ZNF845: variants seen among roughly 807,000 people sequenced by gnomAD.
ZNF845 encodes zinc finger protein 845.
In ZNF845, 59 loss-of-function variants were observed where a neutral mutation model predicts 76.1. That is an observed-to-expected ratio of 0.78 (90% CI 0.63 to 0.96). The LOEUF (loss-of-function observed/expected upper bound fraction) is 0.96, where lower values mean the gene tolerates loss of function less well. ZNF845 is among the 40% of genes least tolerant of loss of function. ZNF845 has a pLI of 0.00. For missense variants in ZNF845, 1,045 were observed against 1,172.8 expected (o/e 0.89, Z 1.59); for synonymous variants, 361 against 386.9 (o/e 0.93, Z 0.78).
In ZNF845 at chr19:53,353,072, A is replaced by T. The variant is rs1311891031; in HGVS notation, c.2397A>T (p.Gly799=). ...HLAQHTRIHT[G]EKPYKCNECG... is the part of the protein sequence containing the mutation. ...CACAACATACTAGAATTCACACTGG[A>T]GAGAAACCTTACAAGTGTAATGAAT... Residue 799 remains glycine, a synonymous_variant, in exon 4 of 4, where the codon GGA becomes GGT. Coordinates refer to ENST00000458035, the MANE Select transcript of ZNF845 (RefSeq NM_138374.3). 6 of 1,599,568 alleles carry T rather than the reference A, an allele frequency of 3.8e-6. No homozygotes were observed. The highest frequency in any genetic ancestry group is 5.1e-6 in the Non-Finnish European group (6 of 1,167,540).
chr19:53,350,891 G>A lies in ZNF845; in HGVS notation c.216G>A (p.Gly72=). ...GCAATACAGAAGTGATCCACACAGGGACATTGCAAAGACATGAACGTCATC... is the reference window on the plus strand; with the variant it reads ...GCAATACAGAAGTGATCCACACAGGAACATTGCAAAGACATGAACGTCATC... The part of the protein sequence containing the change: ...AQGNTEVIHT[G]TLQRHERHHI... Residue 72 remains glycine, a synonymous_variant, in exon 4 of 4, where the codon GGG becomes GGA. Coordinates refer to ENST00000458035, the MANE Select transcript of ZNF845 (RefSeq NM_138374.3). The A allele has an allele frequency of 6.2e-7, 1 of 1,614,156 alleles. No individual in the cohort carries two copies. Among genetic ancestry groups the A allele is most frequent in the Non-Finnish European group, 8.5e-7 (1 of 1,180,032 alleles).
At chr19:53,339,683 T>C (rs1275348458) in intron 1 of ZNF845, among the ~76,000 whole-genome samples, 1 of 152,124 alleles carries the variant, frequency 6.6e-6, no homozygotes. Flanking sequence ...TTCTGCAGAG[T>C]TGAGGTCAAC....
At position 53,352,868 on chromosome 19, in the gene ZNF845, G is replaced by T; in HGVS notation, c.2193G>T (p.Lys731Asn). The stretch of plus-strand genomic sequence containing the variant: ...AGTGTGGCAAGGCCTTCAGTCAGAA[G>T]TCATCCCTTACATGCCATCTTAGAC... Reference protein sequence around the residue: ...CNECGKAFSQKSSLTCHLRLH... With the variant: ...CNECGKAFSQNSSLTCHLRLH... Residue 731 changes from lysine to asparagine, a missense_variant, in exon 4 of 4, where the codon AAG (lysine) becomes AAT (asparagine). Coordinates refer to ENST00000458035, the MANE Select transcript of ZNF845 (RefSeq NM_138374.3). 1 of 1,609,222 alleles carries T rather than the reference G, an allele frequency of 6.2e-7. No homozygotes were observed.
At chr19:53,343,760 T>C (rs569538504) in intron 2 of ZNF845, among the ~76,000 whole-genome samples, 9 of 152,212 alleles carry the variant, frequency 5.9e-5, no homozygotes, top group Non-Finnish European at 1.3e-4. Flanking sequence ...TAGGTTTTAT[T>C]ATTTTGTGGA....
intron 3 of ZNF845, among the ~76,000 whole-genome samples, chr19:53,346,796 C>T (rs912067424): frequency 7.9e-5 from 12 of 152,160 alleles, no homozygotes; most frequent in African/African-American, 2.7e-4. Context: ...ACAGTGTTTT[C>T]TCATGCTGTT....
rs1011885791 is a variant in ZNF845, at chr19:53,355,848, T to G, written c.*2260T>G. 1.3e-5 allele frequency: 2 copies of G among 152,312 alleles called. No individual in the cohort carries two copies. Among genetic ancestry groups the G allele is most frequent in the African/African-American group, 4.8e-5 (2 of 41,578 alleles). 9.4% of individuals were successfully genotyped at this position (152,312 alleles called of 1,614,324 possible). ...TATTGTTTAGGATTTTTACGAAGAA[T>G]GAATATTGAGTTCTGTGAAATGCTT... is the stretch of plus-strand genomic sequence containing the variant. On this transcript the variant is annotated 3_prime_UTR_variant, in exon 4 of 4. Transcript: ENST00000458035.
At position 53,339,098 on chromosome 19, in the gene ZNF845, CTAAA is replaced by C. The variant is rs1313346962; in HGVS notation, c.-73-2123_-73-2120del. ...ATGGTGACAGAGCAAGACTCCATCTCTAAATAAATAAATAAATGTGCTATAATGT... is the reference window on the plus strand; with the variant it reads ...ATGGTGACAGAGCAAGACTCCATCTCTAAATAAATAAATGTGCTATAATGT... On this transcript the variant is annotated intron_variant, in intron 1 of 3. Transcript: ENST00000458035. Among the ~76,000 whole-genome samples the C allele has an allele frequency of 3.9e-5, 6 of 151,976 alleles. No homozygotes were observed. The East Asian group carries it at 1.2e-3, about 29-fold the overall frequency.
In ZNF845 at chr19:53,356,141, C is replaced by T. The variant is rs1002044432; in HGVS notation, c.*2553C>T. On this transcript the variant is annotated 3_prime_UTR_variant, in exon 4 of 4. Coordinates refer to ENST00000458035, the MANE Select transcript of ZNF845 (RefSeq NM_138374.3). ...AACCAGTATAAACTTGTTATAACGT[C>T]TGAACAGGCTCTAGTTTGAGGCACT... The T allele has an allele frequency of 1.3e-5, 2 of 152,200 alleles. No homozygotes were observed. Among genetic ancestry groups the T allele is most frequent in the African/African-American group, 4.8e-5 (2 of 41,448 alleles). The allele number at this position is 152,200 out of a possible 1,614,324, so 9.4% of individuals were successfully genotyped here. A position where few individuals can be genotyped will look rare whatever the true frequency, so the allele number is the denominator to read the frequency against.
chr19:53,341,059 A>T lies in ZNF845; in HGVS notation c.-73-176A>T, dbSNP rs555111851. 77 of 639,706 alleles carry T rather than the reference A, an allele frequency of 1.2e-4. No homozygotes were observed. In the African/African-American group the frequency reaches 1.3e-3, roughly 11 times the overall value. 39.6% of individuals were successfully genotyped at this position (639,706 alleles called of 1,614,324 possible). A position where few individuals can be genotyped will look rare whatever the true frequency, so the allele number is the denominator to read the frequency against. ...CTCTGGTCCATATTGGCTGCTCTGC[A>T]TGCTTCTTTCTGTTTTTTCACCTTC... On this transcript the variant is annotated intron_variant, in intron 1 of 3. Coordinates refer to ENST00000458035, the MANE Select transcript of ZNF845 (RefSeq NM_138374.3).
intron 1 of ZNF845, chr19:53,340,773 CCT>C: frequency 3.1e-6 from 1 of 318,414 alleles, no homozygotes. Flanking sequence ...CCTCCCAGGT[CCT>C]CTCTGACCTC....
chr19:53,334,373 G>C (rs2085197899), intron 1 of ZNF845, among the ~76,000 whole-genome samples: 1 of 152,098 alleles, frequency 6.6e-6, no homozygotes. Flanking sequence ...TCAGGAGACT[G>C]AGAGAGAGAG....
Position 53,355,565 on chromosome 19 carries a change from G to C in ZNF845, c.*1977G>C, listed in dbSNP as rs990588704. The C allele has an allele frequency of 2.0e-5, 3 of 152,062 alleles. No individual in the cohort carries two copies. Among genetic ancestry groups the C allele is most frequent in the Non-Finnish European group, 4.4e-5 (3 of 68,018 alleles). 9.4% of individuals were successfully genotyped at this position (152,062 alleles called of 1,614,324 possible). Reference sequence around the variant, plus strand: ...CCACTTCGGACTTGCAAATTGCTGGGATTATGGGTGTGAGCCATGAGCCCG... The same window carrying C: ...CCACTTCGGACTTGCAAATTGCTGGCATTATGGGTGTGAGCCATGAGCCCG... On this transcript the variant is annotated 3_prime_UTR_variant, in exon 4 of 4. Transcript: ENST00000458035.
Position 53,351,685 on chromosome 19 carries a change from G to T in ZNF845, c.1010G>T (p.Ser337Ile), listed in dbSNP as rs749150652. The change falls in exon 4 of 4, where the codon AGT becomes ATT. Residue 337 changes from serine to isoleucine, a missense_variant. Physicochemically the swap from Ser to Ile is moderately radical, Grantham distance 142. Coordinates refer to ENST00000458035, the MANE Select transcript of ZNF845 (RefSeq NM_138374.3). Reference protein sequence around the residue: ...YKCNECGKTFSQTSYLVYHRR... With the variant: ...YKCNECGKTFIQTSYLVYHRR... ...TGTAATGAATGTGGCAAGACCTTCA[G>T]TCAAACGTCATACCTTGTGTACCAT... The T allele has an allele frequency of 1.2e-6, 2 of 1,614,098 alleles. No individual in the cohort carries two copies. The highest frequency in any genetic ancestry group is 1.7e-6 in the Non-Finnish European group (2 of 1,179,936).
In ZNF845 at chr19:53,351,212, A is replaced by G; in HGVS notation, c.537A>G (p.Arg179=). 1.2e-6 allele frequency: 2 copies of G among 1,614,208 alleles called. No homozygotes were observed. Among genetic ancestry groups the G allele is most frequent in the South Asian group, 2.2e-5 (2 of 91,082 alleles). The stretch of plus-strand genomic sequence containing the variant: ...CTTCGTTGGTTTCAACATCCCAAAG[A>G]ATTTCTTGTAGGCCTAAAACCCACA... ...NSASLVSTSQ[R]ISCRPKTHIS... is the part of the protein sequence containing the mutation. Residue 179 remains arginine, a synonymous_variant, in exon 4 of 4, where the codon AGA becomes AGG. Coordinates refer to ENST00000458035, the MANE Select transcript of ZNF845 (RefSeq NM_138374.3).
chr19:53,350,264 G>T (rs1378646960), intron 3 of ZNF845, among the ~76,000 whole-genome samples: 2 of 152,088 alleles, frequency 1.3e-5, no homozygotes, highest in African/African-American at 4.8e-5. Context: ...CTCCTGAGTA[G>T]CTGGGACTAC....
In ZNF845 at chr19:53,353,273, G is replaced by A. The variant is rs757357216; in HGVS notation, c.2598G>A (p.Lys866=). 1 of 1,613,546 alleles carries A rather than the reference G, an allele frequency of 6.2e-7. No homozygotes were observed. The highest frequency in any genetic ancestry group is 8.5e-7 in the Non-Finnish European group (1 of 1,179,784). The change falls in exon 4 of 4, where the codon AAG becomes AAA. Residue 866 remains lysine (K), a synonymous_variant. Transcript: ENST00000458035. The stretch of plus-strand genomic sequence containing the variant: ...CTTACAAGTGTAGTGAATGTGGCAA[G>A]GTTTTTAATAGAAAAGCAAACCTTT... ...EKPYKCSECG[K]VFNRKANLSR...
chr19:53,339,018 C>T (rs145215213), intron 1 of ZNF845, among the ~76,000 whole-genome samples: 4,593 of 151,968 alleles, frequency 0.03, 250 homozygotes, highest in African/African-American at 0.1. Flanking sequence ...GAGAATGGCT[C>T]GAACCTGGGA....
intron 3 of ZNF845, 108 bp from the exon 4 acceptor site, chr19:53,350,710 G>A: frequency 1.4e-6 from 2 of 1,406,606 alleles, no homozygotes; most frequent in Non-Finnish European, 1.9e-6. Flanking sequence ...TCAAGATAAT[G>A]TTTGGGAAGT....
At position 53,351,819 on chromosome 19, in the gene ZNF845, C is replaced by T. The variant is rs1016290190; in HGVS notation, c.1144C>T (p.Pro382Ser). The T allele has an allele frequency of 1.2e-6, 2 of 1,613,148 alleles. No homozygotes were observed. The highest frequency in any genetic ancestry group is 1.7e-6 in the Non-Finnish European group (2 of 1,179,900). ...RHRKIHTGEK[P>S]YKCNECSRTF... ...TAGGAAAATTCATACTGGAGAGAAA[C>T]CTTACAAGTGTAATGAATGCAGCAG... The change falls in exon 4 of 4, where the codon CCT becomes TCT. Residue 382 changes from proline (P) to serine (S), a missense_variant. Coordinates refer to ENST00000458035, the MANE Select transcript of ZNF845 (RefSeq NM_138374.3).
Sources: allele counts gnomAD v4.1 joint callset (sites outside exome capture counted in the v4.1 genomes callset), GRCh38; gene constraint gnomAD v4.1.1; transcripts MANE v1.5; gene names NCBI Gene and HGNC (gene_info 2026-07-23, HGNC 2026-07-21).